The following ACTR3B variants were observed in gnomAD, a reference collection of about 807,000 sequenced individuals.
ACTR3B encodes actin-related protein 3B.
In ACTR3B, 8 loss-of-function variants were observed where a neutral mutation model predicts 59.0. The observed-to-expected ratio is 0.14, with a 90% CI of 0.08 to 0.24. ACTR3B has a LOEUF of 0.24. Among genes scored for constraint, ACTR3B ranks in the 10% least tolerant of loss-of-function variants. The pLI, the probability that ACTR3B is intolerant of heterozygous loss-of-function variation, is 1.00. For missense variants in ACTR3B, 245 were observed against 552.3 expected (o/e 0.44, Z 5.58); for synonymous variants, 148 against 197.9 (o/e 0.75, Z 2.12).
At chr7:152,760,501 C>G (rs938719262) in intron 1 of ACTR3B, among the ~76,000 whole-genome samples, 1 of 152,172 alleles carries the variant, frequency 6.6e-6, no homozygotes, top group African/African-American at 2.4e-5. Context: ...AACTTGATAC[C>G]ATTTTTACTG....
At chr7:152,847,682 G>A (rs758859720) in intron 9 of ACTR3B, among the ~76,000 whole-genome samples, 19 of 152,200 alleles carry the variant, frequency 1.2e-4, no homozygotes, top group Non-Finnish European at 2.6e-4. Context: ...GACAGAGCCC[G>A]TGCACACAGT....
intron 9 of ACTR3B, among the ~76,000 whole-genome samples, chr7:152,838,699 T>A (rs1272588578): frequency 1.3e-5 from 2 of 152,264 alleles, no homozygotes; most frequent in Non-Finnish European, 2.9e-5. Context: ...TAAAAAGTAG[T>A]AATGCTTCCT....
At position 152,854,578 on chromosome 7, in the gene ACTR3B, T is replaced by C; in HGVS notation, c.*25T>C. ...GTGTCTGCCTGAACGCGTCGTTCGA[T>C]GGTGTCACGTTGGGGAACAAGTGTC... On this transcript the variant is annotated 3_prime_UTR_variant, in exon 12 of 12. Coordinates refer to ENST00000256001, the MANE Select transcript of ACTR3B (RefSeq NM_020445.6). This position sits in a 1 kb window ranked among gnomAD's most constrained non-coding sequence, Gnocchi z 4.9. 6.2e-7 allele frequency: 1 copy of C among 1,606,938 alleles called. No homozygotes were observed. Among genetic ancestry groups the C allele is most frequent in the Non-Finnish European group, 8.5e-7 (1 of 1,174,060 alleles).
In ACTR3B at chr7:152,773,916, C is replaced by T. The variant is rs528243187; in HGVS notation, c.45-9271C>T. On this transcript the variant is annotated intron_variant, in intron 1 of 11. Transcript: ENST00000256001. ...GGGCTGTCCACACTTGCTCCTCAGC[C>T]CTCCTATTCCAGTCCCACAGGTACC... is the stretch of plus-strand genomic sequence containing the variant. Among the ~76,000 whole-genome samples the T allele has an allele frequency of 1.2e-3, 185 of 152,180 alleles. 2 individuals carry two copies. The highest frequency in any genetic ancestry group is 1.8e-3 in the Non-Finnish European group (124 of 68,012).
At chr7:152,790,949 T>C (rs2098193600) in intron 2 of ACTR3B, among the ~76,000 whole-genome samples, 1 of 152,006 alleles carries the variant, frequency 6.6e-6, no homozygotes, top group Non-Finnish European at 1.5e-5. Flanking sequence ...GTAACCCACA[T>C]CCTATAATCC....
intron 1 of ACTR3B, among the ~76,000 whole-genome samples, chr7:152,775,095 G>A (rs1327534556): frequency 4.0e-5 from 6 of 149,484 alleles, no homozygotes; most frequent in Non-Finnish European, 8.9e-5. Context: ...AGGAAGTTGA[G>A]GCAGATGATT....
chr7:152,819,380 C>T (rs899738858), intron 6 of ACTR3B, among the ~76,000 whole-genome samples: 4 of 152,226 alleles, frequency 2.6e-5, no homozygotes, highest in Non-Finnish European at 4.4e-5. Flanking sequence ...CTGTGATGTG[C>T]TGTAACGTGA....
At position 152,788,897 on chromosome 7, in the gene ACTR3B, C is replaced by T. The variant is rs147135307; in HGVS notation, c.100+5655C>T. Among the ~76,000 whole-genome samples, 13 of 152,322 alleles carry T rather than the reference C, an allele frequency of 8.5e-5. No individual in the cohort carries two copies. In the East Asian group the frequency reaches 2.5e-3, roughly 30 times the overall value. On this transcript the variant is annotated intron_variant, in intron 2 of 11. Transcript: ENST00000256001. The stretch of plus-strand genomic sequence containing the variant: ...AATTAGCCGGATGTGGTGGCTCACA[C>T]CTGTAATCCCAGCTACTTGGAAGGC...
intron 4 of ACTR3B, among the ~76,000 whole-genome samples, chr7:152,807,972 G>A (rs914697668): frequency 6.6e-6 from 1 of 152,166 alleles, no homozygotes; most frequent in Non-Finnish European, 1.5e-5. Flanking sequence ...GCCACCGTCT[G>A]TCTCCAGAAG....
At chr7:152,844,584 A>G (rs1798122307) in intron 9 of ACTR3B, among the ~76,000 whole-genome samples, 1 of 151,952 alleles carries the variant, frequency 6.6e-6, no homozygotes, top group East Asian at 1.9e-4. Context: ...CATTTCAAGA[A>G]ACAAAGTTTT....
chr7:152,780,644 G>A (rs2098149677), intron 1 of ACTR3B, among the ~76,000 whole-genome samples: 1 of 151,172 alleles, frequency 6.6e-6, no homozygotes, highest in Admixed American at 6.6e-5. Context: ...TATGATTTCA[G>A]GGTACAAAAC....
Position 152,789,023 on chromosome 7 carries a change from AAACAACAAC to A in ACTR3B, c.100+5802_100+5810del, listed in dbSNP as rs71182042. Among the ~76,000 whole-genome samples the A allele has an allele frequency of 1.8e-4, 27 of 146,534 alleles. No homozygotes were observed. The East Asian group carries it at 2.0e-3, about 11-fold the overall frequency. On this transcript the variant is annotated intron_variant, in intron 2 of 11. Transcript: ENST00000256001. ...GGCAGCAGAACCAGACGCTGTCTCA[AAACAACAAC>A]AACAACAACAACAACAACAAACAGC...
At chr7:152,823,215 T>G in intron 7 of ACTR3B, 127 bp from the exon 8 acceptor site, 1 of 1,337,470 alleles carries the variant, frequency 7.5e-7, no homozygotes, top group East Asian at 2.5e-5. Flanking sequence ...ATATCCACAC[T>G]AGAGTTACGG....
Position 152,838,374 on chromosome 7 carries a change from T to C in ACTR3B, c.951+13252T>C, listed in dbSNP as rs534065244. Among the ~76,000 whole-genome samples the C allele has an allele frequency of 5.9e-3, 894 of 152,328 alleles. 6 individuals carry two copies. The highest frequency in any genetic ancestry group is 0.02 in the African/African-American group (844 of 41,556). On this transcript the variant is annotated intron_variant, in intron 9 of 11. Coordinates refer to ENST00000256001, the MANE Select transcript of ACTR3B (RefSeq NM_020445.6). ...GAAGCCATAAAAAAGGATGAGTTCA[T>C]GTCCTTTGCAGGGACGTGGATGAAG...
At chr7:152,785,633 C>T (rs962488036) in intron 2 of ACTR3B, among the ~76,000 whole-genome samples, 1 of 130,340 alleles carries the variant, frequency 7.7e-6, no homozygotes, top group African/African-American at 2.9e-5. Context: ...GGACAGTTGG[C>T]CTGCTGCGTG....
chr7:152,772,366 C>T (rs2098126092), intron 1 of ACTR3B, among the ~76,000 whole-genome samples: 1 of 149,156 alleles, frequency 6.7e-6, no homozygotes, highest in African/African-American at 2.5e-5. Context: ...CCCCCTGCCC[C>T]CTAAAAGAAA....
chr7:152,781,203 T>TG (rs1172238441), intron 1 of ACTR3B, among the ~76,000 whole-genome samples: 2 of 149,920 alleles, frequency 1.3e-5, no homozygotes, highest in Non-Finnish European at 3.0e-5. Context: ...GTTTTTTTTT[T>TG]TTTTTTTTTT....
intron 9 of ACTR3B, among the ~76,000 whole-genome samples, chr7:152,845,955 A>G (rs1798235934): frequency 1.3e-5 from 2 of 152,280 alleles, no homozygotes; most frequent in African/African-American, 4.8e-5. Context: ...AAAATCTGAA[A>G]TGAATGCATT....
At chr7:152,842,678 C>T (rs1797962859) in intron 9 of ACTR3B, among the ~76,000 whole-genome samples, 1 of 152,166 alleles carries the variant, frequency 6.6e-6, no homozygotes, top group African/African-American at 2.4e-5. Flanking sequence ...GTCAGCCGTC[C>T]CCTGCTGGTG....
Sources: gnomAD v4.1 joint callset for allele counts (sites outside exome capture counted in the v4.1 genomes callset) on GRCh38, gnomAD v4.1.1 for gene constraint, Gnocchi (gnomAD v3.1) non-coding constraint, MANE v1.5 for transcripts, NCBI Gene and HGNC (gene_info 2026-07-23, HGNC 2026-07-21) for gene names.